Variants in KCNT2 observed in about 807,000 individuals in gnomAD.
The protein encoded by KCNT2 is potassium channel subfamily T member 2.
A neutral mutation model predicts 153.8 loss-of-function variants in KCNT2; 67 were observed. The observed-to-expected ratio is 0.44, with a 90% CI of 0.36 to 0.53. The LOEUF (loss-of-function observed/expected upper bound fraction) is 0.53, where lower values mean the gene tolerates loss of function less well. Among genes scored for constraint, KCNT2 ranks in the 20% least tolerant of loss-of-function variants. KCNT2 has a pLI of 0.00. For missense variants in KCNT2, 975 were observed against 1,354.8 expected, an observed-to-expected ratio of 0.72 and a Z score of 4.40; for synonymous variants, 500 against 458.8, an observed-to-expected ratio of 1.09 and a Z score of -1.15.
rs1157520358 is a variant in KCNT2 at position 196,348,019 on chromosome 1, C to T, written c.1404-5791G>A. On this transcript the variant is annotated intron_variant, in intron 14 of 27. Coordinates refer to ENST00000294725, the MANE Select transcript of KCNT2 (RefSeq NM_198503.5). ...CCACTATATCCCCAAGACATGACATCGGTTCCGACACAGAGGAAGAGCTTA... is the reference window on the plus strand; with the variant it reads ...CCACTATATCCCCAAGACATGACATTGGTTCCGACACAGAGGAAGAGCTTA... Among the ~76,000 whole-genome samples the T allele has an allele frequency of 2.6e-5, 4 of 152,134 alleles. No individual in the cohort carries two copies. The East Asian group carries it at 7.7e-4, about 29-fold the overall frequency.
chr1:196,436,180 T>A (rs970188908), intron 8 of KCNT2, among the ~76,000 whole-genome samples: 1 of 151,446 alleles, frequency 6.6e-6, no homozygotes, highest in African/African-American at 2.4e-5. Flanking sequence ...ATATACAACA[T>A]GTGGAAAACA....
At chr1:196,462,936 T>C (rs1391193435) in intron 8 of KCNT2, among the ~76,000 whole-genome samples, 1 of 151,504 alleles carries the variant, frequency 6.6e-6, no homozygotes, top group African/African-American at 2.4e-5. Flanking sequence ...CTTTCAGCCA[T>C]GTGTGGATAT....
At chr1:196,326,078 A>G (rs935946823) in intron 19 of KCNT2, among the ~76,000 whole-genome samples, 5 of 152,174 alleles carry the variant, frequency 3.3e-5, no homozygotes, top group Admixed American at 2.6e-4. Flanking sequence ...GACGGATATT[A>G]TAATTTTAGA....
intron 1 of KCNT2, among the ~76,000 whole-genome samples, chr1:196,551,631 G>C (rs184820421): frequency 1.3e-5 from 2 of 151,794 alleles, no homozygotes; most frequent in Admixed American, 1.3e-4. Context: ...GGCACTTGCA[G>C]TGGGGGGTCA....
At chr1:196,328,210 T>G (rs1664076969) in intron 18 of KCNT2, among the ~76,000 whole-genome samples, 1 of 152,168 alleles carries the variant, frequency 6.6e-6, no homozygotes, top group Non-Finnish European at 1.5e-5. Context: ...AATCTATTTC[T>G]CTGTATCTTC....
intron 18 of KCNT2, among the ~76,000 whole-genome samples, chr1:196,327,668 C>CTTTTTTTTTTTTTTTT (rs773639795): frequency 1.3e-4 from 16 of 127,892 alleles, no homozygotes; most frequent in South Asian, 2.3e-4. Flanking sequence ...ATATTCTGAT[C>CTTTTTTTTTTTTTTTT]TTTTTTTTTT....
chr1:196,433,814 A>G (rs1345555527), intron 8 of KCNT2, among the ~76,000 whole-genome samples: 2 of 151,962 alleles, frequency 1.3e-5, no homozygotes, highest in Non-Finnish European at 2.9e-5. Flanking sequence ...ATGTATATAT[A>G]TATATATTGG....
At chr1:196,582,357 T>G (rs1572892272) in intron 1 of KCNT2, 2 of 153,844 alleles carry the variant, frequency 1.3e-5, no homozygotes, top group Non-Finnish European at 2.9e-5. Context: ...TATATGCATG[T>G]TCTCTTAAGG....
intron 2 of KCNT2, among the ~76,000 whole-genome samples, chr1:196,491,299 C>G (rs1319039462): frequency 2.6e-5 from 4 of 151,994 alleles, no homozygotes; most frequent in Admixed American, 2.6e-4. Flanking sequence ...TGCTAACAGT[C>G]TTAACCTTGA....
intron 1 of KCNT2, among the ~76,000 whole-genome samples, chr1:196,545,067 C>T (rs993433988): frequency 1.3e-5 from 2 of 151,954 alleles, no homozygotes; most frequent in African/African-American, 4.8e-5. Context: ...CCCAGTGGAC[C>T]TTTCAAAAGC....
intron 13 of KCNT2, among the ~76,000 whole-genome samples, chr1:196,393,855 C>A (rs1160312023): frequency 6.6e-6 from 1 of 151,422 alleles, no homozygotes; most frequent in African/African-American, 2.4e-5. Flanking sequence ...ACTAGAATCG[C>A]TACACCCACA....
chr1:196,458,035 C>G (rs935924369), intron 8 of KCNT2, among the ~76,000 whole-genome samples: 1 of 151,876 alleles, frequency 6.6e-6, no homozygotes, highest in African/African-American at 2.4e-5. Context: ...CAGAATGAGA[C>G]ATACAATTTT....
chr1:196,386,449 C>A (rs552563581), intron 13 of KCNT2, among the ~76,000 whole-genome samples: 115 of 152,158 alleles, frequency 7.6e-4, no homozygotes, highest in African/African-American at 2.6e-3. Context: ...AGAACAGTAG[C>A]CCTTGCACAG....
At chr1:196,462,299 T>A (rs987050823) in intron 8 of KCNT2, among the ~76,000 whole-genome samples, 3 of 151,612 alleles carry the variant, frequency 2.0e-5, no homozygotes, top group African/African-American at 7.3e-5. Flanking sequence ...CATGGGCATG[T>A]CGCAATGCTG....
intron 16 of KCNT2, among the ~76,000 whole-genome samples, chr1:196,337,849 G>T (rs917011929): frequency 1.6e-4 from 25 of 152,060 alleles, no homozygotes; most frequent in African/African-American, 5.5e-4. Context: ...AGCATATTAA[G>T]TAATTTACTT....
At chr1:196,323,946 C>G (rs1200761202) in intron 19 of KCNT2, among the ~76,000 whole-genome samples, 2 of 147,326 alleles carry the variant, frequency 1.4e-5, no homozygotes, top group Non-Finnish European at 3.0e-5. Context: ...CATTTCAGAG[C>G]AACAGGCATC....
intron 16 of KCNT2, among the ~76,000 whole-genome samples, chr1:196,337,700 C>A (rs983138503): frequency 2.0e-5 from 3 of 152,196 alleles, no homozygotes; most frequent in Middle Eastern, 6.8e-3. Flanking sequence ...TTCCTCATTT[C>A]TTTCAGGTAT....
chr1:196,319,867 TTAAAAGTTATCCATGCACAGGAGGCCTTG>T (rs1407947439), intron 19 of KCNT2, among the ~76,000 whole-genome samples: 4 of 151,644 alleles, frequency 2.6e-5, no homozygotes, highest in Non-Finnish European at 4.4e-5. Flanking sequence ...ATAAATAAAT[TTAAAAGTTATCCATGCACAGGAGGCCTTG>T]TAAAATAAAA....
rs913251512 is a variant in KCNT2, at chr1:196,317,996, A to AT, written c.2348+1487dup. ...TATTTTTCTATTTACTACTGCATTT[A>AT]TTTTTTTTTTTTAAGTAGGCTGCCA... On this transcript the variant is annotated intron_variant, in intron 20 of 27. Transcript: ENST00000294725. Among the ~76,000 whole-genome samples the AT allele has an allele frequency of 3.7e-3, 541 of 145,776 alleles. 1 individual carries two copies. Among genetic ancestry groups the AT allele is most frequent in the African/African-American group, 9.4e-3 (378 of 40,194 alleles).
Sources: gnomAD v4.1 joint callset for allele counts (sites outside exome capture counted in the v4.1 genomes callset) on GRCh38, gnomAD v4.1.1 for gene constraint, MANE v1.5 for transcripts, NCBI Gene and HGNC (gene_info 2026-07-23, HGNC 2026-07-21) for gene names.